The following IGF1 variants were observed in gnomAD, a reference collection of about 807,000 sequenced individuals.
IGF1 encodes the protein insulin like growth factor 1.
A neutral mutation model predicts 13.8 loss-of-function variants in IGF1; 4 were observed. The observed-to-expected ratio is 0.29, with a 90% CI of 0.14 to 0.66. The LOEUF (loss-of-function observed/expected upper bound fraction) is 0.66, where lower values mean the gene tolerates loss of function less well. IGF1 is among the 30% of genes least tolerant of loss of function. The pLI, the probability that IGF1 is intolerant of heterozygous loss-of-function variation, is 0.78. For synonymous variants in IGF1, 76 were observed against 72.6 expected, an observed-to-expected ratio of 1.05 and a Z score of -0.23; for missense variants, 124 against 188.5, an observed-to-expected ratio of 0.66 and a Z score of 2.00.
At position 102,480,426 on chromosome 12, in the gene IGF1, T is replaced by C. The variant is rs1226836122; in HGVS notation, c.-45A>G. 1.2e-6 allele frequency: 2 copies of C among 1,612,528 alleles called. No homozygotes were observed. The highest frequency in any genetic ancestry group is 1.7e-5 in the Admixed American group (1 of 59,996). ...CTGAAAATGAATTGGTTAGCAGGAA[T>C]AATGAAGCAAAAAGAAATCCAGAGA... is the stretch of plus-strand genomic sequence containing the variant. On this transcript the variant is annotated 5_prime_UTR_variant, in exon 1 of 4. Coordinates refer to ENST00000337514, the MANE Select transcript of IGF1 (RefSeq NM_000618.5).
rs146290430 is a variant in IGF1, at chr12:102,435,643, A to G, written c.221-15953T>C. Among the ~76,000 whole-genome samples, 259 of 152,350 alleles carry G rather than the reference A, an allele frequency of 1.7e-3. 1 individual carries two copies. The highest frequency in any genetic ancestry group is 5.1e-3 in the African/African-American group (210 of 41,578). On this transcript the variant is annotated intron_variant, in intron 2 of 3. Coordinates refer to ENST00000337514, the MANE Select transcript of IGF1 (RefSeq NM_000618.5). ...GAATCTGGAAGTTCCTTTGATTTCAAATGGCAAGACTTCTCCACCCACATA... is the reference window on the plus strand; with the variant it reads ...GAATCTGGAAGTTCCTTTGATTTCAGATGGCAAGACTTCTCCACCCACATA...
At position 102,400,828 on chromosome 12, in the gene IGF1, T is replaced by C. The variant is rs182324268; in HGVS notation, c.*1679A>G. The C allele has an allele frequency of 6.6e-6, 1 of 152,344 alleles. No homozygotes were observed. The highest frequency in any genetic ancestry group is 2.4e-5 in the African/African-American group (1 of 41,594). 9.4% of individuals were successfully genotyped at this position (152,344 alleles called of 1,614,324 possible). On this transcript the variant is annotated 3_prime_UTR_variant, in exon 4 of 4. Transcript: ENST00000337514. ...TCCCCTTTCACTGGTAGAAATCTCTTTGTTTTTCTCCTTTTTCTTTTCCTT... is the reference window on the plus strand; with the variant it reads ...TCCCCTTTCACTGGTAGAAATCTCTCTGTTTTTCTCCTTTTTCTTTTCCTT...
chr12:102,471,719 A>G (rs1413292602), intron 2 of IGF1, among the ~76,000 whole-genome samples: 2 of 152,208 alleles, frequency 1.3e-5, no homozygotes, highest in South Asian at 2.1e-4. Flanking sequence ...CCGCCAAGGT[A>G]AAGCATATAC....
At chr12:102,407,908 G>A (rs1436022094) in intron 3 of IGF1, among the ~76,000 whole-genome samples, 1 of 152,078 alleles carries the variant, frequency 6.6e-6, no homozygotes, top group African/African-American at 2.4e-5. Context: ...ATGAGATTTT[G>A]CCTGAGAGAT....
chr12:102,433,898 G>A (rs1876967270), intron 2 of IGF1, among the ~76,000 whole-genome samples: 2 of 152,128 alleles, frequency 1.3e-5, no homozygotes, highest in South Asian at 4.1e-4. Flanking sequence ...CACAAAGAGA[G>A]CTTGAGACAG....
rs1425303007 is a variant in IGF1 at position 102,400,034 on chromosome 12, T to G, written c.*2473A>C. On this transcript the variant is annotated 3_prime_UTR_variant, in exon 4 of 4. Coordinates refer to ENST00000337514, the MANE Select transcript of IGF1 (RefSeq NM_000618.5). The stretch of plus-strand genomic sequence containing the variant: ...TGCTTGAGGTGCTCAATTCAAATAA[T>G]GTTGGACTGAGAGTTAAAATACTTG... 6.6e-6 allele frequency: 1 copy of G among 152,120 alleles called. No homozygotes were observed. Among genetic ancestry groups the G allele is most frequent in the Admixed American group, 6.6e-5 (1 of 15,260 alleles). The allele number at this position is 152,120 out of a possible 1,614,324, so 9.4% of individuals were successfully genotyped here. A position where few individuals can be genotyped will look rare whatever the true frequency, so the allele number is the denominator to read the frequency against.
chr12:102,437,245 G>A (rs550884872), intron 2 of IGF1, among the ~76,000 whole-genome samples: 4 of 152,278 alleles, frequency 2.6e-5, no homozygotes, highest in Middle Eastern at 3.4e-3. Context: ...CTCATGCAAC[G>A]GCCACCTCGG....
chr12:102,475,850 G>A (rs1174042806), intron 1 of IGF1, 51 bp from the exon 2 acceptor site: 1 of 1,565,914 alleles, frequency 6.4e-7, no homozygotes, highest in Non-Finnish European at 8.7e-7. Context: ...TCCTTGCAAG[G>A]GGAGTGGGGT....
chr12:102,460,326 T>G (rs1879797384), intron 2 of IGF1, among the ~76,000 whole-genome samples: 1 of 152,212 alleles, frequency 6.6e-6, no homozygotes, highest in African/African-American at 2.4e-5. Context: ...ACTCATTTCT[T>G]TCATCATTAG....
intron 2 of IGF1, among the ~76,000 whole-genome samples, chr12:102,440,142 C>A (rs1877587432): frequency 6.6e-6 from 1 of 152,208 alleles, no homozygotes; most frequent in African/African-American, 2.4e-5. Context: ...TCCTCCATTC[C>A]TGTCATAAGA....
chr12:102,431,458 A>G (rs1230051555), intron 2 of IGF1, among the ~76,000 whole-genome samples: 1 of 152,224 alleles, frequency 6.6e-6, no homozygotes, highest in African/African-American at 2.4e-5. Flanking sequence ...AAGCTACTAT[A>G]GTAAATATTA....
chr12:102,453,198 A>G (rs905600624), intron 2 of IGF1, among the ~76,000 whole-genome samples: 2 of 152,230 alleles, frequency 1.3e-5, no homozygotes, highest in Admixed American at 1.3e-4. Context: ...TAAAGCTGGA[A>G]TAATGTGTTA....
At chr12:102,467,924 TATC>T (rs1451646109) in intron 2 of IGF1, among the ~76,000 whole-genome samples, 1 of 152,232 alleles carries the variant, frequency 6.6e-6, no homozygotes, top group East Asian at 1.9e-4. Flanking sequence ...TTCTTATTAT[TATC>T]ATTTTCATGT....
chr12:102,453,378 CTT>C (rs1436130925), intron 2 of IGF1, among the ~76,000 whole-genome samples: 1 of 152,162 alleles, frequency 6.6e-6, no homozygotes, highest in East Asian at 1.9e-4. Context: ...GATTAGGAAA[CTT>C]TTCTTCAGGC....
At chr12:102,475,508 G>T in intron 2 of IGF1, 135 bp downstream of exon 2, 1 of 990,656 alleles carries the variant, frequency 1.0e-6, no homozygotes, top group Non-Finnish European at 1.6e-6. Context: ...ACTTTAAGGT[G>T]AGGAATCTCA....
At chr12:102,454,584 ACT>A (rs1352159958) in intron 2 of IGF1, among the ~76,000 whole-genome samples, 3 of 152,180 alleles carry the variant, frequency 2.0e-5, no homozygotes, top group African/African-American at 7.2e-5. Context: ...AGGGCATGAC[ACT>A]CTCCATGAAG....
At chr12:102,440,447 C>G (rs1218083606) in intron 2 of IGF1, among the ~76,000 whole-genome samples, 1 of 152,206 alleles carries the variant, frequency 6.6e-6, no homozygotes, top group Non-Finnish European at 1.5e-5. Context: ...CATCTCCTTG[C>G]TACTCAAATC....
At chr12:102,434,839 C>G (rs1592774709) in intron 2 of IGF1, among the ~76,000 whole-genome samples, 1 of 151,808 alleles carries the variant, frequency 6.6e-6, no homozygotes, top group African/African-American at 2.4e-5. Flanking sequence ...GATTGCCATT[C>G]TAACTGGTGT....
intron 2 of IGF1, among the ~76,000 whole-genome samples, chr12:102,471,391 C>T (rs552530663): frequency 1.3e-5 from 2 of 152,238 alleles, no homozygotes; most frequent in African/African-American, 4.8e-5. Context: ...TGCCAAACTC[C>T]TACAACTAAT....
Sources: allele counts gnomAD v4.1 joint callset (sites outside exome capture counted in the v4.1 genomes callset), GRCh38; gene constraint gnomAD v4.1.1; transcripts MANE v1.5; gene names NCBI Gene and HGNC (gene_info 2026-07-23, HGNC 2026-07-21).